The following B4GALNT1 variants were observed in gnomAD, a reference collection of about 807,000 sequenced individuals.
The protein encoded by B4GALNT1 is beta-1,4-N-acetyl-galactosaminyltransferase 1.
A neutral mutation model predicts 55.2 loss-of-function variants in B4GALNT1; 43 were observed. That is an observed-to-expected ratio of 0.78 (90% CI 0.61 to 1.00). The LOEUF is 1.00. Among genes scored for constraint, B4GALNT1 ranks in the 50% least tolerant of loss-of-function variants. The pLI, the probability that B4GALNT1 is intolerant of heterozygous loss-of-function variation, is 0.00. For missense variants in B4GALNT1, 664 were observed against 729.7 expected, an observed-to-expected ratio of 0.91 and a Z score of 1.04; for synonymous variants, 305 against 311.6, an observed-to-expected ratio of 0.98 and a Z score of 0.22.
At position 57,627,799 on chromosome 12, in the gene B4GALNT1, G is replaced by A; in HGVS notation, c.1203C>T (p.Ser401=). ...CGAGGCCTGGGGCGCCGGGCTCCAC[G>A]CTCAGCAGCTGCCGATAAGTGGTGG... ...GFATTYRQLL[S]VEPGAPGLGN... is the part of the protein sequence containing the mutation. The change falls in exon 10 of 11, where the codon AGC becomes AGT. Residue 401 remains serine, a synonymous_variant. Transcript: ENST00000341156. 2 of 1,596,400 alleles carry A rather than the reference G, an allele frequency of 1.3e-6. No homozygotes were observed. The highest frequency in any genetic ancestry group is 2.3e-5 in the East Asian group (1 of 44,230).
Position 57,631,078 on chromosome 12 carries a change from G to T in B4GALNT1, c.392C>A (p.Ser131Tyr). ...EFQAFLSRSQ[S>Y]PADQLLIAPA... ...GGCTATGAGCAGCTGGTCAGCTGGG[G>T]ACTGGCTCCTGGCAGTGGAGGAAGG... The change falls in exon 4 of 11, where the codon TCC (serine) becomes TAC (tyrosine). Residue 131 changes from serine to tyrosine, a missense_variant. By Grantham distance (144) the Ser-to-Tyr change is moderately radical (BLOSUM62 -2). Coordinates refer to ENST00000341156, the MANE Select transcript of B4GALNT1 (RefSeq NM_001478.5). 6.2e-7 allele frequency: 1 copy of T among 1,611,778 alleles called. No individual in the cohort carries two copies. Among genetic ancestry groups the T allele is most frequent in the Non-Finnish European group, 8.5e-7 (1 of 1,179,024 alleles).
Position 57,632,144 on chromosome 12 carries a change from G to C in B4GALNT1, c.-1-11C>G, listed in dbSNP as rs753493997. 114 of 1,522,820 alleles carry C rather than the reference G, an allele frequency of 7.5e-5. No individual in the cohort carries two copies. Among genetic ancestry groups the C allele is most frequent in the Non-Finnish European group, 9.3e-5 (105 of 1,126,998 alleles). 94.3% of individuals were successfully genotyped at this position (1,522,820 alleles called of 1,614,324 possible). On this transcript the variant is annotated splice_polypyrimidine_tract_variant and intron_variant, in intron 1 of 10. Transcript: ENST00000341156. ...CGGCCCAGCCACATCCTAGGTGGGG[G>C]TAGGGTGGGGAGTGAGAAAGGGAGG...
rs375197392 is a variant in B4GALNT1, at chr12:57,625,583, C to T, written c.*1161G>A. 13 of 1,598,812 alleles carry T rather than the reference C, an allele frequency of 8.1e-6. No individual in the cohort carries two copies. The African/African-American group carries it at 1.7e-4, about 21-fold the overall frequency. On this transcript the variant is annotated 3_prime_UTR_variant, in exon 11 of 11. Transcript: ENST00000341156. ...GAGTCTGACACCCTCCCCACATAGC[C>T]TTGGTGCAGGGGACACTGACCCGGG...
chr12:57,626,914 C>T lies in B4GALNT1; in HGVS notation c.1432G>A (p.Asp478Asn), dbSNP rs762763123. ...LGSLRVGSCSDVVVDHASKLK... is the reference protein window; with the variant it reads ...LGSLRVGSCSNVVVDHASKLK... ...TTGGATGCATGATCCACCACGACGTCGGAGCAGGAGCCAACCCGAAGGGAA... is the reference window on the plus strand; with the variant it reads ...TTGGATGCATGATCCACCACGACGTTGGAGCAGGAGCCAACCCGAAGGGAA... The change falls in exon 11 of 11, where the codon GAC becomes AAC. Residue 478 changes from aspartate to asparagine, a missense_variant. Asp to Asn is a conservative substitution (Grantham distance 23). Transcript: ENST00000341156. The T allele has an allele frequency of 2.0e-5, 33 of 1,614,170 alleles. No individual in the cohort carries two copies. The highest frequency in any genetic ancestry group is 8.8e-5 in the South Asian group (8 of 91,080).
Position 57,628,109 on chromosome 12 carries a change from G to A in B4GALNT1, c.1143+13C>T. The stretch of plus-strand genomic sequence containing the variant: ...CCCTTCTCCACCCCCACATCCTGCA[G>A]CCCCTGCCCTACCAGGTCCAGCGGC... On this transcript the variant is annotated intron_variant, in intron 9 of 10. Coordinates refer to ENST00000341156, the MANE Select transcript of B4GALNT1 (RefSeq NM_001478.5). 1 of 1,613,170 alleles carries A rather than the reference G, an allele frequency of 6.2e-7. No individual in the cohort carries two copies. The highest frequency in any genetic ancestry group is 1.3e-5 in the African/African-American group (1 of 75,066).
At position 57,627,765 on chromosome 12, in the gene B4GALNT1, G is replaced by A. The variant is rs1311004210; in HGVS notation, c.1237C>T (p.Leu413Phe). The A allele has an allele frequency of 6.2e-7, 1 of 1,607,294 alleles. No homozygotes were observed. Among genetic ancestry groups the A allele is most frequent in the East Asian group, 2.2e-5 (1 of 44,560 alleles). The change falls in exon 10 of 11, where the codon CTC becomes TTC. Residue 413 changes from leucine (L) to phenylalanine (F), a missense_variant. Leu to Phe is a conservative substitution (Grantham distance 22). Coordinates refer to ENST00000341156, the MANE Select transcript of B4GALNT1 (RefSeq NM_001478.5). Reference sequence around the variant, plus strand: ...TGGTGGAAGCCGCGCCTTTGCCGGAGGCAGTTCCCGAGGCCTGGGGCGCCG... The same window carrying A: ...TGGTGGAAGCCGCGCCTTTGCCGGAAGCAGTTCCCGAGGCCTGGGGCGCCG... ...EPGAPGLGNC[L>F]RQRRGFHHEL...
At position 57,624,930 on chromosome 12, in the gene B4GALNT1, G is replaced by A. The variant is rs752754911; in HGVS notation, c.*1814C>T. On this transcript the variant is annotated 3_prime_UTR_variant, in exon 11 of 11. Transcript: ENST00000341156. The stretch of plus-strand genomic sequence containing the variant: ...ACACCACTGTACTTTGGGACCCGTG[G>A]GCAGTTTCGCTGCAACCTGGAGTGG... 1.2e-6 allele frequency: 2 copies of A among 1,614,166 alleles called. No homozygotes were observed. The highest frequency in any genetic ancestry group is 1.1e-5 in the South Asian group (1 of 91,082).
Position 57,631,181 on chromosome 12 carries a change from G to A in B4GALNT1, c.383+19C>T, listed in dbSNP as rs13353074. ...CTGCTCTCCCCCTGAGGAGTCATGC[G>A]CTTCTTTCAAGCTGGTACCTCGACA... On this transcript the variant is annotated intron_variant, in intron 3 of 10. Coordinates refer to ENST00000341156, the MANE Select transcript of B4GALNT1 (RefSeq NM_001478.5). 10,810 of 1,613,948 alleles carry A rather than the reference G, an allele frequency of 6.7e-3. 524 individuals carry two copies. In the African/African-American group the frequency reaches 0.11, roughly 17 times the overall value.
chr12:57,626,474 A>T lies in B4GALNT1; in HGVS notation c.*270T>A. 1 of 504,818 alleles carries T rather than the reference A, an allele frequency of 2.0e-6. No homozygotes were observed. Among genetic ancestry groups the T allele is most frequent in the Admixed American group, 3.4e-5 (1 of 29,674 alleles). 31.3% of individuals were successfully genotyped at this position (504,818 alleles called of 1,614,324 possible). A position where few individuals can be genotyped will look rare whatever the true frequency, so the allele number is the denominator to read the frequency against. ...TTGGCACTTGGAAAGTGATCCCCCC[A>T]TTTCCTGCCCCATGAGAATGGGCAG... On this transcript the variant is annotated 3_prime_UTR_variant, in exon 11 of 11. Coordinates refer to ENST00000341156, the MANE Select transcript of B4GALNT1 (RefSeq NM_001478.5).
At chr12:57,627,060 G>T in intron 10 of B4GALNT1, 99 bp from the exon 11 acceptor site, 2 of 1,025,234 alleles carry the variant, frequency 2.0e-6, no homozygotes, top group Non-Finnish European at 2.9e-6. Context: ...AAGTGTGTGT[G>T]CAAAGGCTTG....
Position 57,628,788 on chromosome 12 carries a change from G to T in B4GALNT1, c.927C>A (p.Val309=). The change falls in exon 8 of 11, where the codon GTC becomes GTA. Residue 309 remains valine, a synonymous_variant. Coordinates refer to ENST00000341156, the MANE Select transcript of B4GALNT1 (RefSeq NM_001478.5). Reference sequence around the variant, plus strand: ...CTGGCTTGTCGCTGTCGTCAGCGATGACCACGGTAACCGTTGGGTAGAAGC... The same window carrying T: ...CTGGCTTGTCGCTGTCGTCAGCGATTACCACGGTAACCGTTGGGTAGAAGC... ...IRRFYPTVTV[V]IADDSDKPER... 1 of 1,614,234 alleles carries T rather than the reference G, an allele frequency of 6.2e-7. No homozygotes were observed. Among genetic ancestry groups the T allele is most frequent in the Non-Finnish European group, 8.5e-7 (1 of 1,180,044 alleles).
intron 6 of B4GALNT1, 111 bp downstream of exon 6, chr12:57,630,041 C>T (rs760131748): frequency 6.3e-7 from 1 of 1,586,724 alleles, no homozygotes. Context: ...GGCTGGACAG[C>T]TCTGGCCATA....
chr12:57,630,611 A>G, intron 4 of B4GALNT1, 93 bp from the exon 5 acceptor site: 1 of 1,388,620 alleles, frequency 7.2e-7, no homozygotes, highest in Non-Finnish European at 9.8e-7. Flanking sequence ...ACAATAGAGA[A>G]CTTTCCACCT....
intron 2 of B4GALNT1, 59 bp downstream of exon 2, chr12:57,631,855 CA>C: frequency 1.5e-6 from 2 of 1,338,586 alleles, no homozygotes; most frequent in Non-Finnish European, 9.6e-7. Flanking sequence ...GTGGAGAAAA[CA>C]AAAGCCCCCA....
intron 10 of B4GALNT1, 67 bp from the exon 11 acceptor site, chr12:57,627,028 A>G (rs1884860474): frequency 7.2e-7 from 1 of 1,387,226 alleles, no homozygotes; most frequent in South Asian, 1.2e-5. Flanking sequence ...GTAAGGGAGA[A>G]CTCTCAAATT....
In B4GALNT1 at chr12:57,624,583, G is replaced by T. The variant is rs528531114; in HGVS notation, c.*2161C>A. The T allele has an allele frequency of 1.2e-4, 82 of 670,574 alleles. No individual in the cohort carries two copies. In the East Asian group the frequency reaches 2.6e-3, roughly 21 times the overall value. The allele number at this position is 670,574 out of a possible 1,614,324, so 41.5% of individuals were successfully genotyped here. The stretch of plus-strand genomic sequence containing the variant: ...CTGTGGGTGTGGTCTTCTCCATGAT[G>T]ACTGTGGTCTGCCGCACCCGGAGGT... On this transcript the variant is annotated 3_prime_UTR_variant, in exon 11 of 11. Coordinates refer to ENST00000341156, the MANE Select transcript of B4GALNT1 (RefSeq NM_001478.5).
chr12:57,632,235 A>T (rs1451777140), intron 1 of B4GALNT1, 102 bp from the exon 2 acceptor site: 1 of 1,160,894 alleles, frequency 8.6e-7, no homozygotes, highest in African/African-American at 1.5e-5. Flanking sequence ...GCCGGCTCCC[A>T]AGAGCGCTCT....
rs1237656331 is a variant in B4GALNT1 at position 57,630,155 on chromosome 12, T to G, written c.709A>C (p.Thr237Pro). 1 of 1,614,258 alleles carries G rather than the reference T, an allele frequency of 6.2e-7. No homozygotes were observed. Among genetic ancestry groups the G allele is most frequent in the South Asian group, 1.1e-5 (1 of 91,090 alleles). The change falls in exon 6 of 11, where the codon ACA becomes CCA. Residue 237 changes from threonine (T) to proline (P), a missense_variant. Transcript: ENST00000341156. ...TCTCTCCACCCAGGCCTTGCACCTG[T>G]GTCTGCTGTGTTGGTCTGGTAGCTT... Reference protein sequence around the residue: ...SRSYQTNTADTVRFSTEGHEA... With the variant: ...SRSYQTNTADPVRFSTEGHEA...
Position 57,631,892 on chromosome 12 carries a change from GCGC to G in B4GALNT1, c.218+20_218+22del. On this transcript the variant is annotated intron_variant, in intron 2 of 10. Transcript: ENST00000341156. ...GACCACCCCCAGCGAGCGCTGCGCT[GCGC>G]CGCCGCGGTCGGCACTCACCCCACT... The G allele has an allele frequency of 7.3e-7, 1 of 1,374,432 alleles. No individual in the cohort carries two copies. Among genetic ancestry groups the G allele is most frequent in the Non-Finnish European group, 9.4e-7 (1 of 1,063,254 alleles). The allele number at this position is 1,374,432 out of a possible 1,614,324, so 85.1% of individuals were successfully genotyped here. A position where few individuals can be genotyped will look rare whatever the true frequency, so the allele number is the denominator to read the frequency against.
Sources: allele counts gnomAD v4.1 joint callset, GRCh38; gene constraint gnomAD v4.1.1; transcripts MANE v1.5; gene names NCBI Gene and HGNC (gene_info 2026-07-23, HGNC 2026-07-21).